The following EHMT1 variants were observed in gnomAD, a reference collection of about 807,000 sequenced individuals.
EHMT1 encodes the protein euchromatic histone lysine methyltransferase 1.
In EHMT1, 15 loss-of-function variants were observed where a neutral mutation model predicts 147.2. The ratio of observed to expected loss-of-function variants is 0.10; its 90% CI spans 0.07 to 0.16. The LOEUF is 0.16. Ranked by LOEUF, EHMT1 falls within the 10% of genes least tolerant of loss-of-function variation. The probability of loss-of-function intolerance (pLI) is 1.00; values close to 1 mark genes in which losing one functional copy is unlikely to be tolerated. For missense variants in EHMT1, 1,587 were observed against 1,772.4 expected, an observed-to-expected ratio of 0.90 and a Z score of 1.88; for synonymous variants, 795 against 709.6, an observed-to-expected ratio of 1.12 and a Z score of -1.91.
At chr9:137,803,248 G>A in intron 18 of EHMT1, 1 of 1,077,526 alleles carries the variant, frequency 9.3e-7, no homozygotes, top group Admixed American at 5.3e-5. Flanking sequence ...TAATAGGTAG[G>A]CTGCATATAT....
chr9:137,743,964 G>T lies in EHMT1; in HGVS notation c.1044G>T (p.Ser348=), dbSNP rs1129767. 1.2e-6 allele frequency: 2 copies of T among 1,613,734 alleles called. No homozygotes were observed. The highest frequency in any genetic ancestry group is 2.2e-5 in the South Asian group (2 of 91,072). Residue 348 remains serine (S), a synonymous_variant, in exon 6 of 27, where the codon TCG becomes TCT. Coordinates refer to ENST00000460843, the MANE Select transcript of EHMT1 (RefSeq NM_024757.5). ...HVNGESLEMD[S]DEDDSEELEE... is the part of the protein sequence containing the mutation. ...ATGGGGAGAGCCTGGAGATGGACTC[G>T]GATGAGGACGACTCAGAGGAGCTCG...
At chr9:137,811,715 G>A in intron 19 of EHMT1, 100 bp downstream of exon 19, 1 of 1,478,002 alleles carries the variant, frequency 6.8e-7, no homozygotes, top group Admixed American at 1.8e-5. Context: ...GGGCGTGAGT[G>A]GACACAGGCC....
At chr9:137,781,063 TGACGCCGG>T (rs1564748125) in intron 14 of EHMT1, among the ~76,000 whole-genome samples, 36 of 68,044 alleles carry the variant, frequency 5.3e-4, no homozygotes, top group Middle Eastern at 8.5e-3. Context: ...CGTGTGGTGA[TGACGCCGG>T]GATGTGTGGT....
chr9:137,701,274 CT>C (rs562357453), intron 1 of EHMT1, among the ~76,000 whole-genome samples: 15,147 of 145,648 alleles, frequency 0.1, 850 homozygotes, highest in Middle Eastern at 0.2. Flanking sequence ...TTTCACATTT[CT>C]TTTTTTTTTT....
intron 25 of EHMT1, among the ~76,000 whole-genome samples, chr9:137,823,671 A>G (rs576600868): frequency 3.4e-4 from 52 of 152,084 alleles, no homozygotes; most frequent in Non-Finnish European, 6.5e-4. Context: ...TCGGCCTCTC[A>G]AAGTGCTGGG....
chr9:137,748,617 C>T (rs968923867), intron 6 of EHMT1, among the ~76,000 whole-genome samples: 6 of 152,338 alleles, frequency 3.9e-5, no homozygotes, highest in South Asian at 4.1e-4. Flanking sequence ...TCTGCTGTGC[C>T]GGCCACACTC....
At chr9:137,695,405 G>A (rs1655994793) in intron 1 of EHMT1, among the ~76,000 whole-genome samples, 1 of 152,210 alleles carries the variant, frequency 6.6e-6, no homozygotes, top group Non-Finnish European at 1.5e-5. Flanking sequence ...CTGGCGAGGG[G>A]AAGAAGGTCA....
intron 9 of EHMT1, among the ~76,000 whole-genome samples, chr9:137,761,608 A>G (rs4979645): frequency 0.16 from 24,598 of 151,172 alleles, 2,725 homozygotes; most frequent in Admixed American, 0.31. Flanking sequence ...CATGTGCCCC[A>G]TGCCCAGCTA....
At chr9:137,829,787 AGCTGGGAGGAAGG>A (rs1956068134) in intron 25 of EHMT1, among the ~76,000 whole-genome samples, 2 of 152,200 alleles carry the variant, frequency 1.3e-5, no homozygotes, top group African/African-American at 4.8e-5. Flanking sequence ...GTTTGCGGCC[AGCTGGGAGGAAGG>A]GCTGAGGTTT....
rs1392504699 is a variant in EHMT1 at position 137,727,530 on chromosome 9, C to T, written c.643-819C>T. Among the ~76,000 whole-genome samples the T allele has an allele frequency of 3.9e-5, 6 of 152,312 alleles. No individual in the cohort carries two copies. In the East Asian group the frequency reaches 1.2e-3, roughly 29 times the overall value. Reference sequence around the variant, plus strand: ...TGTGGTCATTCAGTTCTCCCGGTACCATTTCCTGAAGAATGCCCTGTCGTT... The same window carrying T: ...TGTGGTCATTCAGTTCTCCCGGTACTATTTCCTGAAGAATGCCCTGTCGTT... On this transcript the variant is annotated intron_variant, in intron 3 of 26. Coordinates refer to ENST00000460843, the MANE Select transcript of EHMT1 (RefSeq NM_024757.5).
rs991020981 is a variant in EHMT1, at chr9:137,828,690, A to AT, written c.3541-5654dup. Among the ~76,000 whole-genome samples the AT allele has an allele frequency of 3.3e-5, 5 of 152,232 alleles. No homozygotes were observed. Among genetic ancestry groups the AT allele is most frequent in the Non-Finnish European group, 7.4e-5 (5 of 67,990 alleles). On this transcript the variant is annotated intron_variant, in intron 25 of 26. Coordinates refer to ENST00000460843, the MANE Select transcript of EHMT1 (RefSeq NM_024757.5). The surrounding 1 kb of genome is among the most constrained non-coding windows in gnomAD (Gnocchi z 5.3). ...AGGTTCTCAGGGTGGGAGGAGGGTTATTTTTAACGCACTGCACTAGAGCAT... is the reference window on the plus strand; with the variant it reads ...AGGTTCTCAGGGTGGGAGGAGGGTTATTTTTTAACGCACTGCACTAGAGCAT...
At chr9:137,690,882 T>C (rs1485020322) in intron 1 of EHMT1, among the ~76,000 whole-genome samples, 1 of 152,258 alleles carries the variant, frequency 6.6e-6, no homozygotes, top group Non-Finnish European at 1.5e-5. Flanking sequence ...CACCATGAAG[T>C]TAAGGTGCTG....
intron 1 of EHMT1, among the ~76,000 whole-genome samples, chr9:137,668,674 G>T (rs185409415): frequency 5.9e-5 from 9 of 151,588 alleles, no homozygotes; most frequent in Admixed American, 5.9e-4. Flanking sequence ...CTTCCCTGTC[G>T]ATTTGCCTGT....
intron 1 of EHMT1, among the ~76,000 whole-genome samples, chr9:137,645,192 C>T (rs532607548): frequency 6.6e-6 from 1 of 152,354 alleles, no homozygotes; most frequent in East Asian, 1.9e-4. Context: ...GTATTAGTTC[C>T]CCAACCCACT....
chr9:137,675,441 T>C (rs1468164305), intron 1 of EHMT1, among the ~76,000 whole-genome samples: 1 of 152,102 alleles, frequency 6.6e-6, no homozygotes, highest in Non-Finnish European at 1.5e-5. Flanking sequence ...GTAGTTCATT[T>C]TCTCTTTTAC....
chr9:137,766,309 G>A (rs1306053692), intron 10 of EHMT1, among the ~76,000 whole-genome samples: 1 of 152,188 alleles, frequency 6.6e-6, no homozygotes, highest in Admixed American at 6.5e-5. Flanking sequence ...TCACTGGAAT[G>A]GTTTTATAGA....
rs773020101 is a variant in EHMT1 at position 137,813,153 on chromosome 9, C to G, written c.3015C>G (p.Pro1005=). ...LQDSAPDRPS[P]VERIVSRDIA... ...ACTCGGCCCCCGACAGGCCCAGCCCCGTGGAGAGGATAGTGAGCAGGTGAG... is the reference window on the plus strand; with the variant it reads ...ACTCGGCCCCCGACAGGCCCAGCCCGGTGGAGAGGATAGTGAGCAGGTGAG... Residue 1005 remains proline, a synonymous_variant, in exon 20 of 27, where the codon CCC becomes CCG. Transcript: ENST00000460843. This position sits in a 1 kb window ranked among gnomAD's most constrained non-coding sequence, Gnocchi z 4.9. 1.2e-6 allele frequency: 2 copies of G among 1,610,618 alleles called. No individual in the cohort carries two copies. Among genetic ancestry groups the G allele is most frequent in the Admixed American group, 1.7e-5 (1 of 59,994 alleles).
intron 1 of EHMT1, among the ~76,000 whole-genome samples, chr9:137,646,928 T>C (rs1844932830): frequency 6.6e-6 from 1 of 152,186 alleles, no homozygotes; most frequent in Non-Finnish European, 1.5e-5. Context: ...TGGTCTCCAC[T>C]ACTCCTCAGA....
chr9:137,797,841 C>A (rs981098034), intron 16 of EHMT1, among the ~76,000 whole-genome samples: 2 of 151,944 alleles, frequency 1.3e-5, no homozygotes, highest in Admixed American at 1.3e-4. Flanking sequence ...GCAAAGCAAA[C>A]ACCTGAAGGG....
Sources: gnomAD v4.1 joint callset for allele counts (sites outside exome capture counted in the v4.1 genomes callset) on GRCh38, gnomAD v4.1.1 for gene constraint, Gnocchi (gnomAD v3.1) non-coding constraint, MANE v1.5 for transcripts, NCBI Gene and HGNC (gene_info 2026-07-23, HGNC 2026-07-21) for gene names.